E2F5: variants seen among roughly 807,000 people sequenced by gnomAD.
E2F5 encodes transcription factor E2F5.
Under a neutral mutation model 39.1 loss-of-function variants are expected in E2F5, and 23 were observed. The observed-to-expected ratio is 0.59, with a 90% CI of 0.42 to 0.83. E2F5 has a LOEUF of 0.83. Ranked by LOEUF, E2F5 falls within the 40% of genes least tolerant of loss-of-function variation. E2F5 has a pLI of 0.00. For synonymous variants in E2F5, 145 were observed against 157.8 expected, an observed-to-expected ratio of 0.92 and a Z score of 0.61; for missense variants, 365 against 406.7, an observed-to-expected ratio of 0.90 and a Z score of 0.88.
chr8:85,211,403 A>G (rs544866122), intron 6 of E2F5, among the ~76,000 whole-genome samples: 4 of 151,940 alleles, frequency 2.6e-5, no homozygotes, highest in African/African-American at 9.6e-5. Flanking sequence ...ATCCTGTCTC[A>G]AAATAAATAA....
At chr8:85,193,795 G>C (rs887596687) in intron 1 of E2F5, among the ~76,000 whole-genome samples, 1 of 152,092 alleles carries the variant, frequency 6.6e-6, no homozygotes, top group Non-Finnish European at 1.5e-5. Flanking sequence ...TCATATTATT[G>C]CATGTACCAA....
chr8:85,206,113 A>C (rs1812797584), intron 3 of E2F5, 64 bp from the exon 4 acceptor site: 2 of 1,485,714 alleles, frequency 1.3e-6, no homozygotes, highest in Non-Finnish European at 1.9e-6. Flanking sequence ...CTTCAGATGT[A>C]TTACCTTAAT....
rs779834479 is a variant in E2F5, at chr8:85,213,795, A to G, written c.974A>G (p.Tyr325Cys). ...CTTTCTCCTACCCCGGCAGATGACT[A>G]CAACTTTAATTTAGATGATAACGAA... Reference protein sequence around the residue: ...LRLSPTPADDYNFNLDDNEGV... With the variant: ...LRLSPTPADDCNFNLDDNEGV... The change falls in exon 8 of 8, where the codon TAC (tyrosine) becomes TGC (cysteine). Residue 325 changes from tyrosine to cysteine, a missense_variant. By Grantham distance (194) the Tyr-to-Cys change is radical. Coordinates refer to ENST00000416274, the MANE Select transcript of E2F5 (RefSeq NM_001951.4). The G allele has an allele frequency of 1.9e-6, 3 of 1,613,384 alleles. No homozygotes were observed. The highest frequency in any genetic ancestry group is 1.7e-6 in the Non-Finnish European group (2 of 1,179,582).
chr8:85,196,473 TG>T (rs1812583376), intron 1 of E2F5, among the ~76,000 whole-genome samples: 1 of 152,244 alleles, frequency 6.6e-6, no homozygotes, highest in Non-Finnish European at 1.5e-5. Flanking sequence ...AAGATCTTTC[TG>T]TTTTTTCAGG....
At chr8:85,180,608 C>T (rs538454566) in intron 1 of E2F5, among the ~76,000 whole-genome samples, 239 of 110,384 alleles carry the variant, frequency 2.2e-3, no homozygotes, top group Non-Finnish European at 2.4e-3. Context: ...GACAGAGTCT[C>T]GCTCTGTGGC....
chr8:85,193,752 G>C (rs1184333040), intron 1 of E2F5, among the ~76,000 whole-genome samples: 1 of 152,126 alleles, frequency 6.6e-6, no homozygotes, highest in Non-Finnish European at 1.5e-5. Flanking sequence ...TCTGTGCTTA[G>C]CTTCTTTCAC....
chr8:85,194,924 C>T (rs753768869), intron 1 of E2F5, among the ~76,000 whole-genome samples: 3 of 151,778 alleles, frequency 2.0e-5, no homozygotes, highest in Admixed American at 6.6e-5. Flanking sequence ...TCTTCTATTT[C>T]AAATATTATA....
chr8:85,197,538 C>T (rs1170180030), intron 1 of E2F5, among the ~76,000 whole-genome samples: 1 of 152,142 alleles, frequency 6.6e-6, no homozygotes, highest in Non-Finnish European at 1.5e-5. Context: ...AATTTTGTTC[C>T]ACCTATAGAC....
chr8:85,188,344 A>C (rs1353701649), intron 1 of E2F5, among the ~76,000 whole-genome samples: 2 of 136,062 alleles, frequency 1.5e-5, no homozygotes, highest in Non-Finnish European at 3.1e-5. Context: ...TTGGAGATTG[A>C]AGACTTCCCT....
At chr8:85,190,739 A>G (rs1429448752) in intron 1 of E2F5, among the ~76,000 whole-genome samples, 2 of 151,876 alleles carry the variant, frequency 1.3e-5, no homozygotes, top group African/African-American at 4.8e-5. Context: ...CCTGACCTCA[A>G]GTGATCTGCC....
chr8:85,178,035 G>T (rs899148342), intron 1 of E2F5: 3 of 155,136 alleles, frequency 1.9e-5, no homozygotes, highest in African/African-American at 7.2e-5. Flanking sequence ...GCTTTGCCCG[G>T]AGACACCGTG....
rs1812868838 is a variant in E2F5 at position 85,209,387 on chromosome 8, A to C, written c.861A>C (p.Thr287=). 6.2e-7 allele frequency: 1 copy of C among 1,611,766 alleles called. No homozygotes were observed. The highest frequency in any genetic ancestry group is 8.5e-7 in the Non-Finnish European group (1 of 1,178,726). The change falls in exon 6 of 8, where the codon ACA becomes ACC. Residue 287 remains threonine (T), a synonymous_variant. Coordinates refer to ENST00000416274, the MANE Select transcript of E2F5 (RefSeq NM_001951.4). ...AAAGAAGCCAGGCTCTGCAGCAGAC[A>C]TCAGCTACAGATATATCTTCAGGTG... ...VSERSQALQQ[T]SATDISSAGS...
At chr8:85,204,673 C>A (rs1246373796) in intron 3 of E2F5, among the ~76,000 whole-genome samples, 25 of 151,494 alleles carry the variant, frequency 1.7e-4, no homozygotes, top group Admixed American at 1.6e-3. Context: ...GCACATGTAC[C>A]CTAAAACTTA....
chr8:85,207,587 C>A, intron 5 of E2F5, 98 bp downstream of exon 5: 1 of 955,106 alleles, frequency 1.0e-6, no homozygotes, highest in Non-Finnish European at 1.5e-6. Flanking sequence ...ATTGTGTAAA[C>A]ACTGTGAGTT....
Position 85,214,291 on chromosome 8 carries a change from C to A in E2F5, c.*429C>A, listed in dbSNP as rs1314731762. The A allele has an allele frequency of 3.5e-6, 2 of 576,934 alleles. No homozygotes were observed. Among genetic ancestry groups the A allele is most frequent in the Non-Finnish European group, 6.3e-6 (2 of 316,474 alleles). The allele number at this position is 576,934 out of a possible 1,614,324, so 35.7% of individuals were successfully genotyped here. A position where few individuals can be genotyped will look rare whatever the true frequency, so the allele number is the denominator to read the frequency against. The stretch of plus-strand genomic sequence containing the variant: ...CTTCTATCCAAACAGACGTTCACTG[C>A]CACTTGTAAAGTGAAGGATGTAAAC... On this transcript the variant is annotated 3_prime_UTR_variant, in exon 8 of 8. Transcript: ENST00000416274.
chr8:85,190,591 T>C (rs770640600), intron 1 of E2F5, among the ~76,000 whole-genome samples: 1 of 140,878 alleles, frequency 7.1e-6, no homozygotes, highest in Non-Finnish European at 1.5e-5. Context: ...GCAACCTCCG[T>C]CTCCCGGGTT....
chr8:85,211,463 TAACG>T (rs905220284), intron 6 of E2F5, among the ~76,000 whole-genome samples: 9 of 151,620 alleles, frequency 5.9e-5, no homozygotes, highest in African/African-American at 1.7e-4. Context: ...GGAAGAGAAA[TAACG>T]AACAGATTTG....
intron 1 of E2F5, 115 bp downstream of exon 1, chr8:85,177,769 C>A: frequency 8.8e-7 from 1 of 1,140,820 alleles, no homozygotes; most frequent in Non-Finnish European, 1.1e-6. Context: ...TGCGGGGACC[C>A]GGGACCGGGC....
chr8:85,207,190 G>C (rs1468155297), intron 4 of E2F5, among the ~76,000 whole-genome samples: 1 of 152,082 alleles, frequency 6.6e-6, no homozygotes, highest in Non-Finnish European at 1.5e-5. Context: ...TTGTTAATGA[G>C]AATCATACAG....
Sources: allele counts gnomAD v4.1 joint callset (sites outside exome capture counted in the v4.1 genomes callset), GRCh38; gene constraint gnomAD v4.1.1; transcripts MANE v1.5; gene names NCBI Gene and HGNC (gene_info 2026-07-23, HGNC 2026-07-21).